The following GTF2H5 variants were observed in gnomAD, a reference collection of about 807,000 sequenced individuals.
GTF2H5 encodes TFB5 ortholog.
GTF2H5 carries 5 observed loss-of-function variants against 7.1 expected under a neutral mutation model. That is an observed-to-expected ratio of 0.71 (90% CI 0.37 to 1.49). The LOEUF (loss-of-function observed/expected upper bound fraction) is 1.49. Among genes scored for constraint, GTF2H5 ranks in the 40% most tolerant of loss-of-function variants. GTF2H5 has a pLI of 0.03. For missense variants in GTF2H5, 80 were observed against 83.0 expected, an observed-to-expected ratio of 0.96 and a Z score of 0.14; for synonymous variants, 30 against 31.7, an observed-to-expected ratio of 0.95 and a Z score of 0.18.
chr6:158,186,368 TTAGTAG>T (rs1776920230), intron 2 of GTF2H5, among the ~76,000 whole-genome samples: 1 of 152,230 alleles, frequency 6.6e-6, no homozygotes, highest in East Asian at 1.9e-4. Flanking sequence ...TTAATACCTG[TTAGTAG>T]TAGCCAGTTA....
Position 158,188,043 on chromosome 6 carries a change from T to G in GTF2H5, c.36-3934T>G, listed in dbSNP as rs567492741. 9.2e-5 allele frequency among the ~76,000 whole-genome samples: 14 copies of G among 152,204 alleles called. No individual in the cohort carries two copies. The South Asian group carries it at 2.9e-3, about 32-fold the overall frequency. On this transcript the variant is annotated intron_variant, in intron 2 of 2. Transcript: ENST00000607778. ...GTCAGTTGGCAGATGGGGGGTGGGG[T>G]GCTTAGAACTTTATTTTTGGTTTAC...
intron 2 of GTF2H5, among the ~76,000 whole-genome samples, chr6:158,185,305 C>T (rs950070837): frequency 2.0e-5 from 3 of 151,948 alleles, no homozygotes; most frequent in African/African-American, 4.8e-5. Flanking sequence ...ACTGGGAAGC[C>T]GAGGCTGGAG....
intron 1 of GTF2H5, among the ~76,000 whole-genome samples, chr6:158,168,706 A>G: frequency 6.6e-6 from 1 of 152,230 alleles, no homozygotes; most frequent in East Asian, 1.9e-4. Flanking sequence ...TGATTTATTT[A>G]GTGAAGGGGC....
At chr6:158,169,296 TATATATA>T (rs1184028287) in intron 1 of GTF2H5, among the ~76,000 whole-genome samples, 3 of 126,614 alleles carry the variant, frequency 2.4e-5, no homozygotes, top group Non-Finnish European at 3.2e-5. Flanking sequence ...ATATTTATTT[TATATATA>T]ATATATAATA....
chr6:158,175,010 ATGTG>A (rs200557393), intron 2 of GTF2H5, among the ~76,000 whole-genome samples: 276 of 138,312 alleles, frequency 2.0e-3, no homozygotes, highest in Non-Finnish European at 2.4e-3. Context: ...TGTGCCTGAG[ATGTG>A]TGTGTGTGTG....
Position 158,192,057 on chromosome 6 carries a change from A to C in GTF2H5, c.116A>C (p.Asp39Ala). Residue 39 changes from aspartate to alanine, a missense_variant, in exon 3 of 3, where the codon GAT (aspartate) becomes GCT (alanine). Asp to Ala is a moderately radical substitution (Grantham distance 126). Coordinates refer to ENST00000607778, the MANE Select transcript of GTF2H5 (RefSeq NM_207118.3). ...AAGAAGTTCATCATTCAAGACATTG[A>C]TGACACTCACGTCTTTGTAATAGCA... ...LGKKFIIQDI[D>A]DTHVFVIAEL... The C allele has an allele frequency of 1.2e-6, 2 of 1,613,254 alleles. No individual in the cohort carries two copies. Among genetic ancestry groups the C allele is most frequent in the Non-Finnish European group, 8.5e-7 (1 of 1,179,180 alleles).
At chr6:158,187,158 C>G (rs1776942124) in intron 2 of GTF2H5, among the ~76,000 whole-genome samples, 1 of 151,934 alleles carries the variant, frequency 6.6e-6, no homozygotes, top group Admixed American at 6.6e-5. Flanking sequence ...CCACGCCCGG[C>G]TAATTTTTGT....
chr6:158,168,973 C>T (rs1220404692), intron 1 of GTF2H5, among the ~76,000 whole-genome samples: 1 of 152,062 alleles, frequency 6.6e-6, no homozygotes, highest in Non-Finnish European at 1.5e-5. Flanking sequence ...GTGGCTCACA[C>T]CTGTTGTCCC....
intron 2 of GTF2H5, among the ~76,000 whole-genome samples, chr6:158,190,428 A>T (rs1403989503): frequency 1.3e-5 from 2 of 152,168 alleles, no homozygotes; most frequent in African/African-American, 4.8e-5. Flanking sequence ...CATCAAAATC[A>T]TCATCTCTTG....
rs936836875 is a variant in GTF2H5, at chr6:158,199,107, C to T, written c.*6950C>T. ...TTAGGAATGCTTGTCAAATTCGTCACTAAAATTGATTTACTTTCTTGAAAA... is the reference window on the plus strand; with the variant it reads ...TTAGGAATGCTTGTCAAATTCGTCATTAAAATTGATTTACTTTCTTGAAAA... On this transcript the variant is annotated 3_prime_UTR_variant, in exon 3 of 3. Coordinates refer to ENST00000607778, the MANE Select transcript of GTF2H5 (RefSeq NM_207118.3). 6.6e-6 allele frequency: 1 copy of T among 152,188 alleles called. No individual in the cohort carries two copies. Among genetic ancestry groups the T allele is most frequent in the Non-Finnish European group, 1.5e-5 (1 of 68,038 alleles). 9.4% of individuals were successfully genotyped at this position (152,188 alleles called of 1,614,324 possible).
chr6:158,189,835 C>G (rs1477150845), intron 2 of GTF2H5, among the ~76,000 whole-genome samples: 1 of 152,168 alleles, frequency 6.6e-6, no homozygotes, highest in Non-Finnish European at 1.5e-5. Context: ...ATGACTCCAC[C>G]AAAACTGCTA....
At chr6:158,170,837 C>A (rs995456044) in intron 2 of GTF2H5, among the ~76,000 whole-genome samples, 2 of 152,174 alleles carry the variant, frequency 1.3e-5, no homozygotes, top group African/African-American at 4.8e-5. Context: ...AGTTCAGGAA[C>A]TTGCTTAAGT....
At chr6:158,190,972 A>C (rs768128758) in intron 2 of GTF2H5, 1 of 504,926 alleles carries the variant, frequency 2.0e-6, no homozygotes, top group Non-Finnish European at 3.9e-6. Flanking sequence ...CCTTATGACT[A>C]TCCTATTCTT....
rs145603990 is a variant in GTF2H5 at position 158,191,245 on chromosome 6, G to GT, written c.36-729dup. On this transcript the variant is annotated intron_variant, in intron 2 of 2. Coordinates refer to ENST00000607778, the MANE Select transcript of GTF2H5 (RefSeq NM_207118.3). ...TACACCCTGCCTGACCAAAGTGACT[G>GT]TTTAACTGGTTTTGTAAGTTAATTT... Among the ~76,000 whole-genome samples the GT allele has an allele frequency of 4.2e-3, 635 of 152,232 alleles. 6 individuals carry two copies. The highest frequency in any genetic ancestry group is 0.015 in the African/African-American group (609 of 41,538).
intron 1 of GTF2H5, among the ~76,000 whole-genome samples, chr6:158,169,219 G>A (rs968067454): frequency 7.0e-5 from 10 of 143,048 alleles, no homozygotes; most frequent in African/African-American, 2.6e-4. Context: ...GGGCGACAGA[G>A]TGAGACTCTG....
At chr6:158,177,175 C>A (rs1183498877) in intron 2 of GTF2H5, among the ~76,000 whole-genome samples, 1 of 152,166 alleles carries the variant, frequency 6.6e-6, no homozygotes, top group African/African-American at 2.4e-5. Flanking sequence ...GTAATTTAAA[C>A]CTCTCTGCCT....
intron 1 of GTF2H5, among the ~76,000 whole-genome samples, chr6:158,168,832 T>C (rs764083212): frequency 6.6e-5 from 10 of 152,228 alleles, no homozygotes; most frequent in Non-Finnish European, 1.5e-4. Context: ...GCGCGGTGGC[T>C]CACGCCTGCA....
intron 2 of GTF2H5, among the ~76,000 whole-genome samples, chr6:158,178,423 C>CTCCA (rs1312501719): frequency 7.1e-6 from 1 of 141,672 alleles, no homozygotes; most frequent in Non-Finnish European, 1.5e-5. Flanking sequence ...TGCCACTGCA[C>CTCCA]TCCAGCCTGG....
intron 1 of GTF2H5, among the ~76,000 whole-genome samples, chr6:158,169,829 GTATA>G (rs1181394108): frequency 1.4e-5 from 1 of 71,946 alleles, no homozygotes; most frequent in African/African-American, 6.4e-5. Flanking sequence ...ATAAAAGTGT[GTATA>G]TATATACACA....
Sources: gnomAD v4.1 joint callset for allele counts (sites outside exome capture counted in the v4.1 genomes callset) on GRCh38, gnomAD v4.1.1 for gene constraint, MANE v1.5 for transcripts, NCBI Gene and HGNC (gene_info 2026-07-23, HGNC 2026-07-21) for gene names.